Variants in GPM6A observed in about 807,000 individuals in gnomAD.
GPM6A encodes the protein glycoprotein M6A, also known as neuronal membrane glycoprotein M6-a.
GPM6A carries 7 observed loss-of-function variants against 32.1 expected under a neutral mutation model. The observed-to-expected ratio is 0.22, with a 90% CI of 0.12 to 0.41. The LOEUF (loss-of-function observed/expected upper bound fraction) is 0.41. GPM6A is among the 10% of genes least tolerant of loss of function. The pLI is 1.00. For synonymous variants in GPM6A, 130 were observed against 123.4 expected (o/e 1.05, Z -0.35); for missense variants, 235 against 347.2 (o/e 0.68, Z 2.57).
At chr4:175,745,739 T>G (rs1412125943) in intron 1 of GPM6A, among the ~76,000 whole-genome samples, 1 of 152,068 alleles carries the variant, frequency 6.6e-6, no homozygotes, top group East Asian at 1.9e-4. Flanking sequence ...CAACATGCTG[T>G]GGGGAGAGAA....
At chr4:175,718,725 C>T (rs1033989819) in intron 1 of GPM6A, among the ~76,000 whole-genome samples, 29 of 152,080 alleles carry the variant, frequency 1.9e-4, no homozygotes, top group Non-Finnish European at 2.9e-5. Flanking sequence ...TTGTTCAAAG[C>T]ACCAGTGTAA....
chr4:175,736,438 A>G (rs570684803), intron 1 of GPM6A, among the ~76,000 whole-genome samples: 1 of 152,244 alleles, frequency 6.6e-6, no homozygotes, highest in Non-Finnish European at 1.5e-5. Context: ...TGACCACCTC[A>G]TTACCAAGTT....
rs564768811 is a variant in GPM6A, at chr4:175,851,290, G to T, written c.-22-39041C>A. Among the ~76,000 whole-genome samples, 33 of 152,162 alleles carry T rather than the reference G, an allele frequency of 2.2e-4. No homozygotes were observed. The South Asian group carries it at 6.2e-3, about 29-fold the overall frequency. ...TCACAAGGTCAGGAATTCGAGACCA[G>T]CCTGGCCAACATGGTGAAATCCTGT... is the stretch of plus-strand genomic sequence containing the variant. On this transcript the variant is annotated intron_variant, in intron 1 of 7. Coordinates refer to the GPM6A transcript ENST00000280187.
intron 1 of GPM6A, among the ~76,000 whole-genome samples, chr4:175,729,078 A>G (rs1731305250): frequency 6.6e-6 from 1 of 152,134 alleles, no homozygotes; most frequent in Non-Finnish European, 1.5e-5. Flanking sequence ...CCCAAATTGT[A>G]TTAGCCATAT....
intron 1 of GPM6A, among the ~76,000 whole-genome samples, chr4:175,939,291 C>T (rs750748072): frequency 2.4e-4 from 37 of 152,132 alleles, no homozygotes; most frequent in African/African-American, 8.2e-4. Context: ...TAGGCAAGCT[C>T]GTGTAGCAGT....
At chr4:175,667,147 T>A (rs1742796488) in intron 3 of GPM6A, among the ~76,000 whole-genome samples, 1 of 152,230 alleles carries the variant, frequency 6.6e-6, no homozygotes, top group Admixed American at 6.5e-5. Flanking sequence ...AAATTCTTTA[T>A]GTAATTATTT....
chr4:175,770,820 G>A (rs1214368103), intron 1 of GPM6A, among the ~76,000 whole-genome samples: 4 of 151,962 alleles, frequency 2.6e-5, no homozygotes, highest in African/African-American at 9.7e-5. Context: ...TGTGTGGACT[G>A]TTTTTACTAT....
chr4:175,637,626 T>C (rs1740815635), intron 6 of GPM6A, among the ~76,000 whole-genome samples: 1 of 11,898 alleles, frequency 8.4e-5, no homozygotes, highest in Non-Finnish European at 2.2e-4. Flanking sequence ...TAATATATAT[T>C]ATATATATAT....
chr4:175,666,745 C>T (rs1742776475), intron 3 of GPM6A, among the ~76,000 whole-genome samples: 2 of 152,112 alleles, frequency 1.3e-5, no homozygotes. Flanking sequence ...TCGAGTGTCA[C>T]CTGAATGTGT....
At chr4:175,913,095 C>A (rs1738373802) in intron 1 of GPM6A, among the ~76,000 whole-genome samples, 1 of 152,188 alleles carries the variant, frequency 6.6e-6, no homozygotes, top group South Asian at 2.1e-4. Context: ...AGATTATAGA[C>A]ATATGTCATT....
At chr4:175,825,745 C>G (rs1462187471) in intron 1 of GPM6A, among the ~76,000 whole-genome samples, 1 of 152,146 alleles carries the variant, frequency 6.6e-6, no homozygotes, top group Admixed American at 6.5e-5. Flanking sequence ...AGACAATGAG[C>G]TTGAGCAATC....
rs183134463 is a variant in GPM6A, at chr4:175,680,167, A to G, written c.231-6331T>C. 5.0e-3 allele frequency among the ~76,000 whole-genome samples: 761 copies of G among 152,276 alleles called. 8 individuals carry two copies. The highest frequency in any genetic ancestry group is 4.8e-3 in the Non-Finnish European group (328 of 68,024). On this transcript the variant is annotated intron_variant, in intron 2 of 6. Transcript: ENST00000393658. ...TGTGTGTTCATATATACATATATAT[A>G]CATGTGCACATGTAACTGCATAACA...
At chr4:175,709,285 C>G (rs956381881) in intron 1 of GPM6A, among the ~76,000 whole-genome samples, 2 of 151,592 alleles carry the variant, frequency 1.3e-5, no homozygotes, top group African/African-American at 2.4e-5. Flanking sequence ...TCCCTCTGCC[C>G]CCTTTCTCTC....
At chr4:175,724,797 A>G (rs1746320370) in intron 1 of GPM6A, among the ~76,000 whole-genome samples, 1 of 152,116 alleles carries the variant, frequency 6.6e-6, no homozygotes, top group African/African-American at 2.4e-5. Context: ...CCTTTGGAGT[A>G]AAGACAGAAT....
At chr4:175,750,951 A>C (rs1732310852) in intron 1 of GPM6A, among the ~76,000 whole-genome samples, 1 of 152,164 alleles carries the variant, frequency 6.6e-6, no homozygotes, top group African/African-American at 2.4e-5. Context: ...TTATAATTAT[A>C]ATCTTCAGGG....
At chr4:175,871,595 C>T (rs1046180026) in intron 1 of GPM6A, among the ~76,000 whole-genome samples, 7 of 152,224 alleles carry the variant, frequency 4.6e-5, no homozygotes, top group African/African-American at 1.7e-4. Flanking sequence ...CTTTTCTACT[C>T]ATTACCTTGA....
intron 1 of GPM6A, among the ~76,000 whole-genome samples, chr4:175,748,510 T>C (rs1732194215): frequency 6.6e-6 from 1 of 152,178 alleles, no homozygotes; most frequent in Admixed American, 6.6e-5. Context: ...TATTTTAAAA[T>C]ACATCATTTT....
At chr4:175,637,259 A>T (rs28866348) in intron 6 of GPM6A, among the ~76,000 whole-genome samples, 1 of 44,142 alleles carries the variant, frequency 2.3e-5, no homozygotes, top group Non-Finnish European at 3.8e-5. Flanking sequence ...TATAATATAA[A>T]ATATATATTA....
chr4:175,788,520 T>C (rs1481159608), intron 1 of GPM6A, among the ~76,000 whole-genome samples: 1 of 152,162 alleles, frequency 6.6e-6, no homozygotes, highest in Non-Finnish European at 1.5e-5. Flanking sequence ...ATCAAAGCAA[T>C]CAAAGCATCA....
Sources: gnomAD v4.1 joint callset for allele counts (sites outside exome capture counted in the v4.1 genomes callset) on GRCh38, gnomAD v4.1.1 for gene constraint, MANE v1.5 for transcripts, NCBI Gene and HGNC (gene_info 2026-07-23, HGNC 2026-07-21) for gene names.